SYCP1: variants seen among roughly 807,000 people sequenced by gnomAD.
SYCP1 encodes synaptonemal complex protein 1, also known as cancer/testis antigen 8.
SYCP1 carries 64 observed loss-of-function variants against 153.1 expected under a neutral mutation model. The observed-to-expected ratio is 0.42, with a 90% CI of 0.34 to 0.51. The LOEUF (loss-of-function observed/expected upper bound fraction) is 0.51. Ranked by LOEUF, SYCP1 falls within the 20% of genes least tolerant of loss-of-function variation. The pLI, the probability that SYCP1 is intolerant of heterozygous loss-of-function variation, is 0.06. For synonymous variants in SYCP1, 384 were observed against 341.8 expected, an observed-to-expected ratio of 1.12 and a Z score of -1.36; for missense variants, 997 against 1,049.0, an observed-to-expected ratio of 0.95 and a Z score of 0.68.
chr1:114,969,632 C>G (rs1672351466), intron 27 of SYCP1, among the ~76,000 whole-genome samples: 1 of 152,172 alleles, frequency 6.6e-6, no homozygotes, highest in African/African-American at 2.4e-5. Flanking sequence ...CAGGCTTCAG[C>G]CCCTTTTCCA....
intron 30 of SYCP1, among the ~76,000 whole-genome samples, chr1:114,985,219 A>G (rs1673418396): frequency 6.6e-6 from 1 of 151,944 alleles, no homozygotes; most frequent in South Asian, 2.1e-4. Context: ...TACTGTGCCA[A>G]ATCTGTTATT....
intron 6 of SYCP1, 37 bp downstream of exon 6, chr1:114,858,748 A>G: frequency 6.5e-7 from 1 of 1,530,448 alleles, no homozygotes; most frequent in Non-Finnish European, 8.9e-7. Context: ...ATAGTATAGT[A>G]AATCTAATCA....
chr1:114,965,202 T>C (rs1395704928), intron 27 of SYCP1, among the ~76,000 whole-genome samples: 2 of 152,226 alleles, frequency 1.3e-5, no homozygotes, highest in Non-Finnish European at 2.9e-5. Flanking sequence ...TTTTTGTACA[T>C]TGATTTTGTA....
chr1:114,885,773 T>C (rs1666253841), intron 13 of SYCP1, 144 bp downstream of exon 13: 1 of 554,056 alleles, frequency 1.8e-6, no homozygotes, highest in South Asian at 2.8e-5. Flanking sequence ...CAAAATGCTA[T>C]AGTTTAGAGA....
chr1:114,884,491 C>T (rs1168802052), intron 12 of SYCP1, among the ~76,000 whole-genome samples: 1 of 152,162 alleles, frequency 6.6e-6, no homozygotes, highest in Non-Finnish European at 1.5e-5. Flanking sequence ...GCTTAGGTGT[C>T]CCCTCTAGGT....
intron 27 of SYCP1, among the ~76,000 whole-genome samples, chr1:114,954,975 T>C (rs1281602745): frequency 6.6e-6 from 1 of 152,220 alleles, no homozygotes; most frequent in Non-Finnish European, 1.5e-5. Context: ...GCTTGCAGTA[T>C]TGATAAATGT....
rs1665498174 is a variant in SYCP1 at position 114,875,926 on chromosome 1, T to G, written c.658-143T>G. ...CTCTTAATACATTTTTAGTAAGTAA[T>G]TCAAATTACAGTGTTTTAGTTATTC... On this transcript the variant is annotated intron_variant, in intron 9 of 31. Transcript: ENST00000369522. The G allele has an allele frequency of 1.7e-5, 9 of 526,014 alleles. No homozygotes were observed. In the East Asian group the frequency reaches 2.8e-4, roughly 17 times the overall value. 32.6% of individuals were successfully genotyped at this position (526,014 alleles called of 1,614,324 possible). A position where few individuals can be genotyped will look rare whatever the true frequency, so the allele number is the denominator to read the frequency against.
At chr1:114,981,634 T>C in intron 29 of SYCP1, 122 bp downstream of exon 29, 1 of 907,744 alleles carries the variant, frequency 1.1e-6, no homozygotes, top group Non-Finnish European at 1.6e-6. Context: ...GTTTCAATTT[T>C]TTTTGTGGTA....
In SYCP1 at chr1:114,874,541, A is replaced by T. The variant is rs1397032865; in HGVS notation, c.634A>T (p.Met212Leu). 1 of 1,576,770 alleles carries T rather than the reference A, an allele frequency of 6.3e-7. No homozygotes were observed. The highest frequency in any genetic ancestry group is 1.2e-5 in the South Asian group (1 of 84,286). ...ACGGGAAGAAACCAGGCAAGTTTAT[A>T]TGGATCTAAATAATAACATTGAGGT... is the stretch of plus-strand genomic sequence containing the variant. The part of the protein sequence containing the change: ...YEREETRQVY[M>L]DLNNNIEKMI... Residue 212 changes from methionine (M) to leucine (L), a missense_variant, in exon 9 of 32, where the codon ATG becomes TTG. Around this residue, in one of 2 missense-constraint regions of SYCP1, gnomAD observed 285 missense variants for 366.1 expected, o/e 0.78. Transcript: ENST00000369522.
chr1:114,933,626 A>C (rs1669785472), intron 23 of SYCP1, among the ~76,000 whole-genome samples: 1 of 152,202 alleles, frequency 6.6e-6, no homozygotes, highest in Non-Finnish European at 1.5e-5. Flanking sequence ...AGGATGTTCG[A>C]ACCCATTGCA....
chr1:114,941,603 T>A (rs998641027), intron 23 of SYCP1, among the ~76,000 whole-genome samples: 63 of 152,240 alleles, frequency 4.1e-4, no homozygotes, highest in Admixed American at 6.5e-4. Context: ...TATGTTAGTA[T>A]ACTATTATTG....
intron 27 of SYCP1, among the ~76,000 whole-genome samples, chr1:114,959,817 AC>A (rs1357510754): frequency 6.6e-6 from 1 of 151,800 alleles, no homozygotes; most frequent in Non-Finnish European, 1.5e-5. Context: ...TTTAGTACCC[AC>A]AGACAAGTGA....
At chr1:114,855,397 TG>T in intron 1 of SYCP1, 43 bp from the exon 2 acceptor site, 1 of 1,216,282 alleles carries the variant, frequency 8.2e-7, no homozygotes, top group Non-Finnish European at 1.2e-6. Flanking sequence ...TGACACTCGG[TG>T]AAAAAAAACT....
intron 16 of SYCP1, among the ~76,000 whole-genome samples, chr1:114,905,283 G>A (rs1030601443): frequency 1.3e-5 from 2 of 152,140 alleles, no homozygotes; most frequent in Admixed American, 6.5e-5. Flanking sequence ...GAAGAAAGAG[G>A]CTTATAAATC....
intron 20 of SYCP1, among the ~76,000 whole-genome samples, chr1:114,915,312 C>G (rs1668450295): frequency 6.6e-6 from 1 of 152,118 alleles, no homozygotes; most frequent in Admixed American, 6.5e-5. Context: ...AAGTACTAGA[C>G]AGAAGATCAA....
chr1:114,859,421 A>G (rs1410534020), intron 6 of SYCP1, among the ~76,000 whole-genome samples: 1 of 152,238 alleles, frequency 6.6e-6, no homozygotes, highest in African/African-American at 2.4e-5. Context: ...CATAAAGTGA[A>G]AAAAATGTTG....
At chr1:114,937,382 A>G (rs575856667) in intron 23 of SYCP1, among the ~76,000 whole-genome samples, 2 of 152,342 alleles carry the variant, frequency 1.3e-5, no homozygotes, top group East Asian at 3.9e-4. Context: ...TATACCTTAT[A>G]CAAAAATTAA....
At chr1:114,918,914 CTTGGAAATATACATG>C (rs1345965778) in intron 20 of SYCP1, among the ~76,000 whole-genome samples, 1 of 151,878 alleles carries the variant, frequency 6.6e-6, no homozygotes, top group African/African-American at 2.4e-5. Context: ...TAAGATTATA[CTTGGAAATATACATG>C]TTTCCAAGAA....
At chr1:114,903,987 G>A (rs1321833450) in intron 16 of SYCP1, among the ~76,000 whole-genome samples, 1 of 152,082 alleles carries the variant, frequency 6.6e-6, no homozygotes, top group Admixed American at 6.6e-5. Flanking sequence ...CTTGATTACT[G>A]TAGATTTAAT....
Sources: gnomAD v4.1 joint callset for allele counts (sites outside exome capture counted in the v4.1 genomes callset) on GRCh38, gnomAD v4.1.1 for gene constraint, gnomAD v4.1.1 regional missense constraint, MANE v1.5 for transcripts, NCBI Gene and HGNC (gene_info 2026-07-23, HGNC 2026-07-21) for gene names.